Variants in LGR4 observed in about 807,000 individuals in gnomAD.
LGR4 encodes leucine-rich repeat-containing G protein-coupled receptor 4.
LGR4 carries 44 observed loss-of-function variants against 84.8 expected under a neutral mutation model. The ratio of observed to expected loss-of-function variants is 0.52; its 90% CI spans 0.41 to 0.67. LGR4 has a LOEUF of 0.67. Among genes scored for constraint, LGR4 ranks in the 30% least tolerant of loss-of-function variants. The probability of loss-of-function intolerance (pLI) is 0.00; values close to 1 mark genes in which losing one functional copy is unlikely to be tolerated. For synonymous variants in LGR4, 429 were observed against 434.3 expected, an observed-to-expected ratio of 0.99 and a Z score of 0.15; for missense variants, 1,032 against 1,131.4, an observed-to-expected ratio of 0.91 and a Z score of 1.26.
At chr11:27,449,381 A>G (rs951190030) in intron 1 of LGR4, among the ~76,000 whole-genome samples, 9 of 152,170 alleles carry the variant, frequency 5.9e-5, no homozygotes, top group African/African-American at 2.2e-4. Context: ...TCCGGAGTTC[A>G]AGACCAGCCT....
intron 1 of LGR4, among the ~76,000 whole-genome samples, chr11:27,445,019 T>C (rs1864365101): frequency 6.6e-6 from 1 of 152,138 alleles, no homozygotes; most frequent in Non-Finnish European, 1.5e-5. Context: ...TATTCTCTTG[T>C]AAATGTGCTT....
In LGR4 at chr11:27,366,613, T is replaced by C. The variant is rs1862770122; in HGVS notation, c.*1254A>G. On this transcript the variant is annotated 3_prime_UTR_variant, in exon 18 of 18. Transcript: ENST00000379214. ...GTTCAAAAAACATATTGAACAATTA[T>C]AACTTTAAGACTCCACCCAGTAATA... 6.6e-6 allele frequency: 1 copy of C among 152,588 alleles called. No individual in the cohort carries two copies. Among genetic ancestry groups the C allele is most frequent in the South Asian group, 2.1e-4 (1 of 4,836 alleles). The allele number at this position is 152,588 out of a possible 1,614,324, so 9.5% of individuals were successfully genotyped here.
chr11:27,465,730 C>T (rs752008169), intron 1 of LGR4, among the ~76,000 whole-genome samples: 4 of 152,170 alleles, frequency 2.6e-5, no homozygotes, highest in Non-Finnish European at 5.9e-5. Context: ...ATTTTTAACT[C>T]ACACAATTTT....
Position 27,465,955 on chromosome 11 carries a change from G to A in LGR4, c.185+6163C>T, listed in dbSNP as rs533430859. ...AAACCACACTTCACCGAACAAAGTT[G>A]GGGGAAAAAAGAAAAAAAGTCATCC... On this transcript the variant is annotated intron_variant, in intron 1 of 17. Transcript: ENST00000379214. Among the ~76,000 whole-genome samples, 28 of 152,138 alleles carry A rather than the reference G, an allele frequency of 1.8e-4. 1 individual carries two copies. Among genetic ancestry groups the A allele is most frequent in the African/African-American group, 6.0e-4 (25 of 41,500 alleles).
chr11:27,437,976 A>T (rs1263392095), intron 1 of LGR4, among the ~76,000 whole-genome samples: 1 of 152,078 alleles, frequency 6.6e-6, no homozygotes, highest in Non-Finnish European at 1.5e-5. Context: ...TGATCGCTCC[A>T]GTGCACTCCA....
chr11:27,421,245 A>G (rs1187635542), intron 1 of LGR4, among the ~76,000 whole-genome samples: 1 of 152,096 alleles, frequency 6.6e-6, no homozygotes, highest in African/African-American at 2.4e-5. Context: ...GATTACTCCT[A>G]CTTTGACATT....
intron 1 of LGR4, among the ~76,000 whole-genome samples, chr11:27,443,938 G>C (rs1864344009): frequency 6.6e-6 from 1 of 152,168 alleles, no homozygotes; most frequent in Non-Finnish European, 1.5e-5. Flanking sequence ...TGGATGGTCA[G>C]CTAGCTGAGC....
chr11:27,384,775 GT>G (rs1229184705), intron 5 of LGR4, among the ~76,000 whole-genome samples: 1 of 152,196 alleles, frequency 6.6e-6, no homozygotes, highest in Non-Finnish European at 1.5e-5. Flanking sequence ...GGGTAATGGT[GT>G]GGAGGAAGTG....
chr11:27,402,423 TA>T (rs1863521567), intron 2 of LGR4, among the ~76,000 whole-genome samples: 1 of 152,082 alleles, frequency 6.6e-6, no homozygotes, highest in Non-Finnish European at 1.5e-5. Flanking sequence ...AGTAAGGAGA[TA>T]CCCTGGGTTC....
At chr11:27,381,645 G>A (rs995697203) in intron 7 of LGR4, among the ~76,000 whole-genome samples, 13 of 152,030 alleles carry the variant, frequency 8.6e-5, no homozygotes, top group African/African-American at 3.1e-4. Context: ...TCATGCCACT[G>A]CACCGTGACA....
At chr11:27,461,351 A>T (rs1864676278) in intron 1 of LGR4, among the ~76,000 whole-genome samples, 1 of 152,140 alleles carries the variant, frequency 6.6e-6, no homozygotes, top group African/African-American at 2.4e-5. Context: ...AATTAAAAAA[A>T]AAAAAATAAC....
At chr11:27,456,621 T>A (rs1255202923) in intron 1 of LGR4, among the ~76,000 whole-genome samples, 1 of 152,128 alleles carries the variant, frequency 6.6e-6, no homozygotes, top group Non-Finnish European at 1.5e-5. Flanking sequence ...CTGATCCTCA[T>A]ATACCATGTA....
intron 1 of LGR4, among the ~76,000 whole-genome samples, chr11:27,432,760 A>T (rs1170962656): frequency 6.6e-6 from 1 of 152,160 alleles, no homozygotes; most frequent in Non-Finnish European, 1.5e-5. Flanking sequence ...TCCATCAGTT[A>T]TACTACCTTA....
At chr11:27,443,837 G>T (rs1251180510) in intron 1 of LGR4, among the ~76,000 whole-genome samples, 1 of 152,102 alleles carries the variant, frequency 6.6e-6, no homozygotes, top group Non-Finnish European at 1.5e-5. Flanking sequence ...GCTGCTCTAT[G>T]GAAAAAGACG....
In LGR4 at chr11:27,468,814, T is replaced by C. The variant is rs189626602; in HGVS notation, c.185+3304A>G. The stretch of plus-strand genomic sequence containing the variant: ...CACTTTCTTCACGAAGTCACAGAAA[T>C]AGCCTTGCTAATCTTAAAACTATGT... On this transcript the variant is annotated intron_variant, in intron 1 of 17. Coordinates refer to ENST00000379214, the MANE Select transcript of LGR4 (RefSeq NM_018490.5). Among the ~76,000 whole-genome samples, 8 of 152,134 alleles carry C rather than the reference T, an allele frequency of 5.3e-5. No individual in the cohort carries two copies. The East Asian group carries it at 5.8e-4, about 11-fold the overall frequency.
At chr11:27,443,306 C>A (rs1864333271) in intron 1 of LGR4, among the ~76,000 whole-genome samples, 1 of 152,158 alleles carries the variant, frequency 6.6e-6, no homozygotes, top group Non-Finnish European at 1.5e-5. Context: ...AATACCACTG[C>A]ACGATGGGAA....
Position 27,384,424 on chromosome 11 carries a change from G to GTCATTTTATGCTTTTTTT in LGR4, c.618-18_618-17insAAAAAAAGCATAAAATGA. 1 of 1,574,678 alleles carries GTCATTTTATGCTTTTTTT rather than the reference G, an allele frequency of 6.4e-7. No individual in the cohort carries two copies. Among genetic ancestry groups the GTCATTTTATGCTTTTTTT allele is most frequent in the Non-Finnish European group, 8.7e-7 (1 of 1,147,436 alleles). ...TGAAGATGCCTAAGGGGGAAAAAAA[G>GTCATTTTATGCTTTTTTT]CATAAAATGACTTTTCCATCTCCCA... On this transcript the variant is annotated splice_polypyrimidine_tract_variant and intron_variant, in intron 5 of 17. Coordinates refer to ENST00000379214, the MANE Select transcript of LGR4 (RefSeq NM_018490.5).
intron 1 of LGR4, among the ~76,000 whole-genome samples, chr11:27,437,885 T>C (rs2133428578): frequency 6.6e-6 from 1 of 152,070 alleles, no homozygotes; most frequent in Non-Finnish European, 1.5e-5. Flanking sequence ...TGCCCTGTAG[T>C]CCCAGATACT....
chr11:27,411,219 T>C (rs1421479142), intron 2 of LGR4, among the ~76,000 whole-genome samples: 3 of 152,068 alleles, frequency 2.0e-5, no homozygotes, highest in Non-Finnish European at 4.4e-5. Context: ...AGACTAACCC[T>C]ATAGTCTAAA....
Sources: allele counts gnomAD v4.1 joint callset (sites outside exome capture counted in the v4.1 genomes callset), GRCh38; gene constraint gnomAD v4.1.1; transcripts MANE v1.5; gene names NCBI Gene and HGNC (gene_info 2026-07-23, HGNC 2026-07-21).